Variants in SLC4A5 observed in about 807,000 individuals in gnomAD.
The protein encoded by SLC4A5 is solute carrier family 4 member 5.
In SLC4A5, 96 loss-of-function variants were observed where a neutral mutation model predicts 120.4. That is an observed-to-expected ratio of 0.80 (90% CI 0.68 to 0.94). The LOEUF is 0.94. Ranked by LOEUF, SLC4A5 falls within the 40% of genes least tolerant of loss-of-function variation. The pLI, the probability that SLC4A5 is intolerant of heterozygous loss-of-function variation, is 0.00. For synonymous variants in SLC4A5, 550 were observed against 571.1 expected (o/e 0.96, Z 0.53); for missense variants, 1,259 against 1,459.5 (o/e 0.86, Z 2.24).
chr2:74,228,749 T>C (rs538557186), intron 25 of SLC4A5, among the ~76,000 whole-genome samples: 1 of 143,692 alleles, frequency 7.0e-6, no homozygotes, highest in Non-Finnish European at 1.5e-5. Context: ...TGTAAACTAA[T>C]CAGCACTCAT....
At chr2:74,245,664 TAC>T (rs1013297079) in intron 19 of SLC4A5, among the ~76,000 whole-genome samples, 2 of 152,244 alleles carry the variant, frequency 1.3e-5, no homozygotes, top group African/African-American at 4.8e-5. Flanking sequence ...TGGACTTCTT[TAC>T]AAAATCAGTG....
chr2:74,260,168 A>G (rs956396695), intron 11 of SLC4A5, among the ~76,000 whole-genome samples: 4 of 152,132 alleles, frequency 2.6e-5, no homozygotes, highest in African/African-American at 9.7e-5. Context: ...GAACTGCCCA[A>G]TAGTTCCTTC....
intron 7 of SLC4A5, among the ~76,000 whole-genome samples, chr2:74,298,380 T>C (rs1672389916): frequency 1.3e-5 from 2 of 152,156 alleles, no homozygotes; most frequent in Admixed American, 1.3e-4. Context: ...TGCAGAAGAA[T>C]AAAATTGGAC....
intron 5 of SLC4A5, among the ~76,000 whole-genome samples, chr2:74,321,101 A>C (rs1269117124): frequency 1.3e-5 from 2 of 152,170 alleles, no homozygotes; most frequent in East Asian, 3.8e-4. Flanking sequence ...GGTCAATGTC[A>C]GTGCCATGTT....
chr2:74,306,089 T>C (rs1470318751), intron 6 of SLC4A5, among the ~76,000 whole-genome samples: 4 of 152,214 alleles, frequency 2.6e-5, no homozygotes, highest in Admixed American at 2.6e-4. Context: ...GAGTTGGAAT[T>C]GACAGAGCAG....
chr2:74,232,668 G>C lies in SLC4A5; in HGVS notation c.2596-21C>G, dbSNP rs1372809530. The C allele has an allele frequency of 2.5e-6, 4 of 1,608,370 alleles. No homozygotes were observed. The Admixed American group carries it at 6.9e-5, about 28-fold the overall frequency. ...GCCTTCTGCAGGAGCGGGGTTGGGG[G>C]AGGGAGAAGTTTCTGGGGAGCCAGT... On this transcript the variant is annotated intron_variant, in intron 23 of 30. Coordinates refer to ENST00000394019, the Ensembl canonical transcript of SLC4A5.
At chr2:74,259,510 G>C (rs1251146100) in intron 12 of SLC4A5, 78 bp downstream of exon 12, 1 of 1,475,278 alleles carries the variant, frequency 6.8e-7, no homozygotes, top group Non-Finnish European at 9.5e-7. Flanking sequence ...TCTGCCCATA[G>C]GGGATCCCTG....
At chr2:74,264,852 CTCCCCTT>C (rs1157606934) in intron 9 of SLC4A5, among the ~76,000 whole-genome samples, 3 of 152,198 alleles carry the variant, frequency 2.0e-5, no homozygotes, top group Non-Finnish European at 4.4e-5. Context: ...AAGAGGCCCT[CTCCCCTT>C]TTACCACATT....
chr2:74,256,059 G>T, intron 12 of SLC4A5, 127 bp from the exon 13 acceptor site: 1 of 997,952 alleles, frequency 1.0e-6, no homozygotes, highest in East Asian at 2.6e-5. Context: ...GAGACTGAAA[G>T]AATAAATAAG....
At chr2:74,282,976 G>A (rs1301744082) in intron 8 of SLC4A5, among the ~76,000 whole-genome samples, 1 of 152,196 alleles carries the variant, frequency 6.6e-6, no homozygotes, top group Non-Finnish European at 1.5e-5. Flanking sequence ...ATAACCCAGG[G>A]TGGGTCCTGG....
At chr2:74,295,824 G>A (rs535576823) in intron 7 of SLC4A5, among the ~76,000 whole-genome samples, 2 of 152,306 alleles carry the variant, frequency 1.3e-5, no homozygotes, top group Non-Finnish European at 2.9e-5. Context: ...GGTGAAAGCA[G>A]AGAACAGATG....
intron 7 of SLC4A5, among the ~76,000 whole-genome samples, chr2:74,288,026 G>A (rs1031044573): frequency 1.3e-5 from 2 of 152,066 alleles, no homozygotes; most frequent in Admixed American, 6.5e-5. Flanking sequence ...CCCCCACCAC[G>A]CTAAGGACAT....
Position 74,227,140 on chromosome 2 carries a change from C to T in SLC4A5, c.2917-10G>A, listed in dbSNP as rs368430736. The stretch of plus-strand genomic sequence containing the variant: ...TGCAGCGTTCCCAGAACTAGGGGGA[C>T]AGCGGGGGCTCAGCCAGGCAGCCAG... On this transcript the variant is annotated splice_polypyrimidine_tract_variant and intron_variant, in intron 26 of 30. Coordinates refer to ENST00000394019, the Ensembl canonical transcript of SLC4A5. The T allele has an allele frequency of 2.5e-6, 4 of 1,600,784 alleles. No individual in the cohort carries two copies. Among genetic ancestry groups the T allele is most frequent in the East Asian group, 2.3e-5 (1 of 44,180 alleles).
chr2:74,313,878 C>A (rs919921390), intron 6 of SLC4A5, among the ~76,000 whole-genome samples: 2 of 152,100 alleles, frequency 1.3e-5, no homozygotes, highest in Non-Finnish European at 2.9e-5. Flanking sequence ...TCAGAAAGGC[C>A]CCAACCCAAG....
At chr2:74,343,039 C>T (rs533313527) in intron 1 of SLC4A5, among the ~76,000 whole-genome samples, 15 of 152,144 alleles carry the variant, frequency 9.9e-5, no homozygotes, top group South Asian at 2.1e-4. Flanking sequence ...ACACACTACA[C>T]GCTCCCCTCA....
At chr2:74,224,367 T>C (rs1694768077) in intron 28 of SLC4A5, among the ~76,000 whole-genome samples, 1 of 152,138 alleles carries the variant, frequency 6.6e-6, no homozygotes, top group African/African-American at 2.4e-5. Context: ...TTGTCCTCAA[T>C]ACCCTAGGCA....
intron 7 of SLC4A5, among the ~76,000 whole-genome samples, chr2:74,293,593 G>A (rs4257418): frequency 0.024 from 3,693 of 152,304 alleles, 170 homozygotes; most frequent in African/African-American, 0.084. Context: ...GCCTAGAGGC[G>A]AAGCTGTGGG....
At chr2:74,332,176 G>A (rs1673379063) in intron 4 of SLC4A5, among the ~76,000 whole-genome samples, 1 of 152,204 alleles carries the variant, frequency 6.6e-6, no homozygotes, top group Admixed American at 6.5e-5. Context: ...CAGAGGGGTT[G>A]TGAACAAGTC....
chr2:74,314,156 T>C (rs911940580), intron 6 of SLC4A5, among the ~76,000 whole-genome samples: 6 of 152,202 alleles, frequency 3.9e-5, no homozygotes, highest in African/African-American at 1.4e-4. Flanking sequence ...GAATCTAAAT[T>C]GTCCCATCTT....
Sources: gnomAD v4.1 joint callset for allele counts (sites outside exome capture counted in the v4.1 genomes callset) on GRCh38, gnomAD v4.1.1 for gene constraint, MANE v1.5 for transcripts, NCBI Gene and HGNC (gene_info 2026-07-23, HGNC 2026-07-21) for gene names.